ZNF891: variants seen among roughly 807,000 people sequenced by gnomAD.
The protein encoded by ZNF891 is hCG1646157.
For synonymous variants in ZNF891, 199 were observed against 209.0 expected (o/e 0.95, Z 0.41); for missense variants, 589 against 632.7 (o/e 0.93, Z 0.74).
Position 133,121,366 on chromosome 12 carries a change from G to A in ZNF891, c.553C>T (p.Gln185Ter). 6.5e-7 allele frequency: 1 copy of A among 1,536,070 alleles called. No homozygotes were observed. The highest frequency in any genetic ancestry group is 8.7e-7 in the Non-Finnish European group (1 of 1,146,888). The change falls in exon 2 of 2, where the codon CAG becomes TAG. Residue 185 changes from glutamine to a stop codon, truncating the protein, a stop_gained. Transcript: ENST00000537226. LOFTEE classifies it low-confidence loss of function (END_TRUNC). ...TCATGATAGTCACGGAATAGCTCCT[G>A]AGGTACTGTTTTCTTTGGGGCATAT... is the stretch of plus-strand genomic sequence containing the variant. ...MIYAPKKTVP[Q>*]ELFRDYHELE...
chr12:133,120,675 G>A lies in ZNF891; in HGVS notation c.1244C>T (p.Thr415Ile), dbSNP rs1955747313. 1 of 1,558,268 alleles carries A rather than the reference G, an allele frequency of 6.4e-7. No individual in the cohort carries two copies. The highest frequency in any genetic ancestry group is 1.9e-5 in the Admixed American group (1 of 51,622). ...ECNQCGKSFG[T>I]SSYLIVHKRI... Reference sequence around the variant, plus strand: ...CTTGTGCACTATAAGGTAAGAGCTTGTGCCAAAGGATTTTCCACACTGATT... The same window carrying A: ...CTTGTGCACTATAAGGTAAGAGCTTATGCCAAAGGATTTTCCACACTGATT... The change falls in exon 2 of 2, where the codon ACA (threonine) becomes ATA (isoleucine). Residue 415 changes from threonine to isoleucine, a missense_variant. By Grantham distance (89) the Thr-to-Ile change is moderately conservative. Transcript: ENST00000537226.
At chr12:133,129,614 C>T (rs1955854646) in intron 1 of ZNF891, among the ~76,000 whole-genome samples, 1 of 151,822 alleles carries the variant, frequency 6.6e-6, no homozygotes, top group African/African-American at 2.4e-5. Context: ...GGGTGGTGAC[C>T]TGTTTTACAG....
intron 1 of ZNF891, among the ~76,000 whole-genome samples, chr12:133,128,378 T>C (rs1180069970): frequency 6.6e-6 from 1 of 152,192 alleles, no homozygotes; most frequent in Admixed American, 6.5e-5. Context: ...ACGCCTGTAA[T>C]CCTAGCACTT....
Position 133,119,164 on chromosome 12 carries a change from G to A in ZNF891, c.*1120C>T, listed in dbSNP as rs1017225721. The stretch of plus-strand genomic sequence containing the variant: ...GAGCCCAGGAGGTCGAGGTTGCAAT[G>A]AGCCATGACCACACCACTGCATTCT... On this transcript the variant is annotated 3_prime_UTR_variant, in exon 2 of 2. Coordinates refer to ENST00000537226, the MANE Select transcript of ZNF891 (RefSeq NM_001277291.2). 1.3e-5 allele frequency: 2 copies of A among 151,610 alleles called. No homozygotes were observed. Among genetic ancestry groups the A allele is most frequent in the Admixed American group, 1.3e-4 (2 of 15,216 alleles). The allele number at this position is 151,610 out of a possible 1,614,324, so 9.4% of individuals were successfully genotyped here.
intron 1 of ZNF891, chr12:133,125,695 C>T (rs1038752639): frequency 1.3e-5 from 4 of 315,772 alleles, no homozygotes; most frequent in African/African-American, 2.2e-5. Flanking sequence ...ACAAGATTGA[C>T]CACCATGCTA....
intron 1 of ZNF891, among the ~76,000 whole-genome samples, chr12:133,129,853 C>T (rs947021419): frequency 2.0e-5 from 3 of 152,324 alleles, no homozygotes; most frequent in East Asian, 3.9e-4. Flanking sequence ...TGTGATTCAA[C>T]TCATTACTAG....
rs1955687296 is a variant in ZNF891, at chr12:133,112,302, A to AATGTTATTTTCTCATGGAGACCT, written c.*7959_*7981dup. The stretch of plus-strand genomic sequence containing the variant: ...TTCTTTAACTTCGTATTTCAAGTTA[A>AATGTTATTTTCTCATGGAGACCT]ATGTTATTTTCTCATGGAGACCTTC... On this transcript the variant is annotated 3_prime_UTR_variant, in exon 2 of 2. Coordinates refer to ENST00000537226, the MANE Select transcript of ZNF891 (RefSeq NM_001277291.2). 6.6e-6 allele frequency: 1 copy of AATGTTATTTTCTCATGGAGACCT among 151,642 alleles called. No individual in the cohort carries two copies. Among genetic ancestry groups the AATGTTATTTTCTCATGGAGACCT allele is most frequent in the African/African-American group, 2.4e-5 (1 of 41,194 alleles). 9.4% of individuals were successfully genotyped at this position (151,642 alleles called of 1,614,324 possible).
At chr12:133,129,761 T>C (rs1013037708) in intron 1 of ZNF891, among the ~76,000 whole-genome samples, 8 of 152,132 alleles carry the variant, frequency 5.3e-5, no homozygotes, top group African/African-American at 1.2e-4. Context: ...AAACAGCCAA[T>C]TGAATACACC....
chr12:133,120,083 T>C lies in ZNF891; in HGVS notation c.*201A>G, dbSNP rs959090232. ...AACAATAAAAAGATAACTGAAAATA[T>C]ACCTACCTCACATATTAAAAATACC... On this transcript the variant is annotated 3_prime_UTR_variant, in exon 2 of 2. Coordinates refer to ENST00000537226, the MANE Select transcript of ZNF891 (RefSeq NM_001277291.2). 1.1e-5 allele frequency: 5 copies of C among 457,992 alleles called. No homozygotes were observed. In the Admixed American group the frequency reaches 1.1e-4, roughly 10 times the overall value. 28.4% of individuals were successfully genotyped at this position (457,992 alleles called of 1,614,324 possible). A position where few individuals can be genotyped will look rare whatever the true frequency, so the allele number is the denominator to read the frequency against.
intron 1 of ZNF891, among the ~76,000 whole-genome samples, chr12:133,126,615 A>G (rs1419436351): frequency 1.3e-5 from 2 of 151,374 alleles, no homozygotes; most frequent in East Asian, 3.9e-4. Flanking sequence ...TTCTAAGACC[A>G]GCCTGGCCAA....
At position 133,112,133 on chromosome 12, in the gene ZNF891, T is replaced by C. The variant is rs1024026017; in HGVS notation, c.*8151A>G. ...TCTCCTTACCCCTTTGCCTAACAGT[T>C]TTCCATTTACTGGACTTACTTTCTG... On this transcript the variant is annotated 3_prime_UTR_variant, in exon 2 of 2. Transcript: ENST00000537226. The C allele has an allele frequency of 6.6e-6, 1 of 152,080 alleles. No homozygotes were observed. Among genetic ancestry groups the C allele is most frequent in the African/African-American group, 2.4e-5 (1 of 41,300 alleles). 9.4% of individuals were successfully genotyped at this position (152,080 alleles called of 1,614,324 possible).
rs1040395227 is a variant in ZNF891, at chr12:133,114,228, A to G, written c.*6056T>C. The G allele has an allele frequency of 1.3e-5, 2 of 152,232 alleles. No individual in the cohort carries two copies. The highest frequency in any genetic ancestry group is 2.4e-5 in the African/African-American group (1 of 41,462). 9.4% of individuals were successfully genotyped at this position (152,232 alleles called of 1,614,324 possible). ...AGAGGAGAAGGACTAGGAGAGGGAC[A>G]TAATATAAATAACATTAAACTGCTG... On this transcript the variant is annotated 3_prime_UTR_variant, in exon 2 of 2. Transcript: ENST00000537226.
Position 133,113,757 on chromosome 12 carries a change from C to T in ZNF891, c.*6527G>A, listed in dbSNP as rs1955699662. On this transcript the variant is annotated 3_prime_UTR_variant, in exon 2 of 2. Coordinates refer to ENST00000537226, the MANE Select transcript of ZNF891 (RefSeq NM_001277291.2). ...TTTTGTTTTTAGACAGGGTCTTACT[C>T]TGTCACCCAGGCTGGAGTGCAGTGG... 1 of 152,170 alleles carries T rather than the reference C, an allele frequency of 6.6e-6. No homozygotes were observed. Among genetic ancestry groups the T allele is most frequent in the African/African-American group, 2.4e-5 (1 of 41,428 alleles). 9.4% of individuals were successfully genotyped at this position (152,170 alleles called of 1,614,324 possible).
Position 133,121,842 on chromosome 12 carries a change from T to TCAGCATTTCTCAGATGGAAACAGG in ZNF891, c.53_76dup (p.Ala18_Ala25dup). The stretch of plus-strand genomic sequence containing the variant: ...AAATACAGCAATCATCCTTTCCTCT[T>TCAGCATTTCTCAGATGGAAACAGG]CAGCATTTCTCAGATGGAAACAGGC... On this transcript the variant is annotated inframe_insertion, in exon 2 of 2. Transcript: ENST00000537226. The TCAGCATTTCTCAGATGGAAACAGG allele has an allele frequency of 2.6e-6, 4 of 1,536,640 alleles. No homozygotes were observed. The highest frequency in any genetic ancestry group is 3.5e-6 in the Non-Finnish European group (4 of 1,147,010).
Position 133,120,751 on chromosome 12 carries a change from A to G in ZNF891, c.1168T>C (p.Ser390Pro). The G allele has an allele frequency of 6.4e-7, 1 of 1,567,646 alleles. No individual in the cohort carries two copies. The highest frequency in any genetic ancestry group is 8.6e-7 in the Non-Finnish European group (1 of 1,157,126). Residue 390 changes from serine (S) to proline (P), a missense_variant, in exon 2 of 2, where the codon TCC (serine) becomes CCC (proline). Ser to Pro is a moderately conservative substitution (Grantham distance 74). Transcript: ENST00000537226. ...QCGKAFSQKT[S>P]LKAHMRTHTG... ...TGAGTTCTCATGTGAGCCTTAAGGG[A>G]TGTTTTTTGACTGAAAGCTTTTCCA...
Position 133,110,326 on chromosome 12 carries a change from T to A in ZNF891, c.*9958A>T, listed in dbSNP as rs1228599806. The A allele has an allele frequency of 1.3e-5, 2 of 152,194 alleles. No individual in the cohort carries two copies. The highest frequency in any genetic ancestry group is 3.9e-4 in the East Asian group (2 of 5,188). 9.4% of individuals were successfully genotyped at this position (152,194 alleles called of 1,614,324 possible). A position where few individuals can be genotyped will look rare whatever the true frequency, so the allele number is the denominator to read the frequency against. Reference sequence around the variant, plus strand: ...CTGGGGACTGGTTAAGTGTGTTCTATTTGGGGAAATTCATAAAGCTGCATG... The same window carrying A: ...CTGGGGACTGGTTAAGTGTGTTCTAATTGGGGAAATTCATAAAGCTGCATG... On this transcript the variant is annotated 3_prime_UTR_variant, in exon 2 of 2. Coordinates refer to ENST00000537226, the MANE Select transcript of ZNF891 (RefSeq NM_001277291.2).
At position 133,120,974 on chromosome 12, in the gene ZNF891, A is replaced by T; in HGVS notation, c.945T>A (p.His315Gln). The part of the protein sequence containing the change: ...QSSLKKQGQT[H>Q]TEKKHECNQC... Reference sequence around the variant, plus strand: ...GATTGCATTCATGTTTCTTTTCAGTATGAGTTTGTCCTTGTTTCTTAAGGG... The same window carrying T: ...GATTGCATTCATGTTTCTTTTCAGTTTGAGTTTGTCCTTGTTTCTTAAGGG... Residue 315 changes from histidine (H) to glutamine (Q), a missense_variant, in exon 2 of 2, where the codon CAT (histidine) becomes CAA (glutamine). By Grantham distance (24) the His-to-Gln change is conservative (BLOSUM62 0). Coordinates refer to ENST00000537226, the MANE Select transcript of ZNF891 (RefSeq NM_001277291.2). The T allele has an allele frequency of 6.5e-7, 1 of 1,535,758 alleles. No homozygotes were observed. The highest frequency in any genetic ancestry group is 8.7e-7 in the Non-Finnish European group (1 of 1,146,834).
Position 133,121,405 on chromosome 12 carries a change from A to G in ZNF891, c.514T>C (p.Trp172Arg). 1 of 1,536,104 alleles carries G rather than the reference A, an allele frequency of 6.5e-7. No homozygotes were observed. Among genetic ancestry groups the G allele is most frequent in the African/African-American group, 1.4e-5 (1 of 73,182 alleles). Residue 172 changes from tryptophan (W) to arginine (R), a missense_variant, in exon 2 of 2, where the codon TGG becomes CGG. Coordinates refer to ENST00000537226, the MANE Select transcript of ZNF891 (RefSeq NM_001277291.2). ...TTTGGGGCATATATCATTTGCCTCCAATGTCCCCCTGGAATCTTATGCTGT... is the reference window on the plus strand; with the variant it reads ...TTTGGGGCATATATCATTTGCCTCCGATGTCCCCCTGGAATCTTATGCTGT... Reference protein sequence around the residue: ...RKQHKIPGGHWRQMIYAPKKT... With the variant: ...RKQHKIPGGHRRQMIYAPKKT...
chr12:133,106,293 GT>G lies in ZNF891; in HGVS notation c.*13990del. The stretch of plus-strand genomic sequence containing the variant: ...TGTAATGAATGTAGGAAAGCTTTCC[GT>G]TGTCACTCATTCCTTATTAAACATC... On this transcript the variant is annotated 3_prime_UTR_variant, in exon 2 of 2. Transcript: ENST00000537226. The G allele has an allele frequency of 6.2e-7, 1 of 1,614,172 alleles. No individual in the cohort carries two copies. Among genetic ancestry groups the G allele is most frequent in the South Asian group, 1.1e-5 (1 of 91,088 alleles).
Sources: allele counts gnomAD v4.1 joint callset (sites outside exome capture counted in the v4.1 genomes callset), GRCh38; gene constraint gnomAD v4.1.1; transcripts MANE v1.5; gene names NCBI Gene and HGNC (gene_info 2026-07-23, HGNC 2026-07-21).